The following RELCH variants were observed in gnomAD, a reference collection of about 807,000 sequenced individuals.
RELCH encodes RAB11 binding and LisH domain, coiled-coil and HEAT repeat containing.
In RELCH, 41 loss-of-function variants were observed where a neutral mutation model predicts 150.3. That is an observed-to-expected ratio of 0.27 (90% CI 0.21 to 0.35). The LOEUF (loss-of-function observed/expected upper bound fraction) is 0.35. Among genes scored for constraint, RELCH ranks in the 10% least tolerant of loss-of-function variants. RELCH has a pLI of 1.00. For missense variants in RELCH, 1,092 were observed against 1,467.8 expected (o/e 0.74, Z 4.18); for synonymous variants, 478 against 531.8 (o/e 0.90, Z 1.39).
chr18:62,273,698 A>C (rs1025659351), intron 20 of RELCH, among the ~76,000 whole-genome samples: 1 of 152,136 alleles, frequency 6.6e-6, no homozygotes, highest in Non-Finnish European at 1.5e-5. Context: ...TGAATCTTTC[A>C]CTTTACATAA....
intron 25 of RELCH, among the ~76,000 whole-genome samples, 197 bp downstream of exon 25, chr18:62,282,641 T>A (rs574950234): frequency 6.6e-6 from 1 of 152,252 alleles, no homozygotes; most frequent in Admixed American, 6.5e-5. Context: ...TAATCAGTAT[T>A]GATATTAGTG....
chr18:62,275,512 GATT>G, intron 22 of RELCH, 39 bp downstream of exon 22: 1 of 1,287,806 alleles, frequency 7.8e-7, no homozygotes, highest in Middle Eastern at 1.9e-4. Flanking sequence ...CAATTATAAT[GATT>G]TTTTTTTTTT....
intron 26 of RELCH, among the ~76,000 whole-genome samples, chr18:62,288,912 C>T (rs547696951): frequency 1.3e-5 from 2 of 152,206 alleles, no homozygotes; most frequent in South Asian, 2.1e-4. Flanking sequence ...AGAAAGAAAA[C>T]ATTGGTGTGT....
chr18:62,288,708 A>T (rs1006709647), intron 26 of RELCH, among the ~76,000 whole-genome samples: 1 of 152,170 alleles, frequency 6.6e-6, no homozygotes, highest in Non-Finnish European at 1.5e-5. Flanking sequence ...CATGTCTTCT[A>T]TAAGTTTAGT....
chr18:62,197,875 C>G (rs1473873492), intron 1 of RELCH, among the ~76,000 whole-genome samples: 2 of 152,152 alleles, frequency 1.3e-5, no homozygotes, highest in Non-Finnish European at 2.9e-5. Flanking sequence ...TAGGTCTGTG[C>G]CAGACTATAC....
chr18:62,189,650 AG>A (rs1189292057), intron 1 of RELCH, among the ~76,000 whole-genome samples: 1 of 152,224 alleles, frequency 6.6e-6, no homozygotes, highest in Admixed American at 6.5e-5. Context: ...TTAATTTTAA[AG>A]AATTTCTTGA....
At chr18:62,251,562 A>G (rs1031502256) in intron 11 of RELCH, among the ~76,000 whole-genome samples, 1 of 152,210 alleles carries the variant, frequency 6.6e-6, no homozygotes, top group Non-Finnish European at 1.5e-5. Flanking sequence ...CACTTTGGTC[A>G]TATTCTATTC....
intron 26 of RELCH, among the ~76,000 whole-genome samples, chr18:62,288,495 A>G (rs1250167400): frequency 6.6e-6 from 1 of 152,132 alleles, no homozygotes; most frequent in Non-Finnish European, 1.5e-5. Flanking sequence ...CCAAATAGAG[A>G]AAGTAGAAAA....
At chr18:62,219,700 C>A (rs1335794670) in intron 2 of RELCH, among the ~76,000 whole-genome samples, 1 of 151,934 alleles carries the variant, frequency 6.6e-6, no homozygotes, top group Non-Finnish European at 1.5e-5. Context: ...AAGTAACATA[C>A]GATGTCATCT....
intron 14 of RELCH, among the ~76,000 whole-genome samples, chr18:62,258,310 G>A (rs2144652333): frequency 6.6e-6 from 1 of 152,058 alleles, no homozygotes; most frequent in East Asian, 1.9e-4. Flanking sequence ...CAGGAAATTG[G>A]CAAGAGGTAT....
At chr18:62,198,437 C>T (rs2039192183) in intron 1 of RELCH, among the ~76,000 whole-genome samples, 1 of 152,154 alleles carries the variant, frequency 6.6e-6, no homozygotes, top group Non-Finnish European at 1.5e-5. Flanking sequence ...TCCAGATTTT[C>T]TCACCTATTA....
chr18:62,235,409 A>C (rs569676853), intron 10 of RELCH: 32 of 152,160 alleles, frequency 2.1e-4, no homozygotes, highest in African/African-American at 7.7e-4. Flanking sequence ...TGAGTCCTCT[A>C]ACTGCACATC....
chr18:62,189,259 G>GTTTT (rs748259898), intron 1 of RELCH, among the ~76,000 whole-genome samples: 1 of 118,082 alleles, frequency 8.5e-6, no homozygotes. Flanking sequence ...GTCTTTTTTT[G>GTTTT]TTTTTTTTTT....
intron 3 of RELCH, 55 bp downstream of exon 3, chr18:62,221,163 C>G (rs1464743399): frequency 6.3e-7 from 1 of 1,590,422 alleles, no homozygotes; most frequent in Non-Finnish European, 8.6e-7. Context: ...GTAGAAGTAG[C>G]TGAGATATTT....
intron 22 of RELCH, among the ~76,000 whole-genome samples, chr18:62,276,921 G>T (rs1305423318): frequency 2.6e-5 from 4 of 152,002 alleles, no homozygotes; most frequent in Non-Finnish European, 5.9e-5. Context: ...TGAAAAGGGG[G>T]CATTACCATG....
At chr18:62,283,389 A>G (rs17069721) in intron 25 of RELCH, among the ~76,000 whole-genome samples, 4,655 of 152,326 alleles carry the variant, frequency 0.031, 121 homozygotes, top group Middle Eastern at 0.068. Context: ...CATATCAGTT[A>G]TCATAGCTCT....
chr18:62,273,856 A>G (rs2044045405), intron 20 of RELCH, 124 bp from the exon 21 acceptor site: 3 of 624,306 alleles, frequency 4.8e-6, no homozygotes, highest in Non-Finnish European at 8.5e-6. Context: ...TTTAATTAAA[A>G]TAGCTTCCAA....
Position 62,244,778 on chromosome 18 carries a change from C to T in RELCH, c.1635C>T (p.Leu545=), listed in dbSNP as rs1207689962. ...LLAKREELIP[L]ILCTACLHPE... ...TATTTCTTTAGGAGTTGATCCCCCTCATATTGTGTACAGCATGTCTACATC... is the reference window on the plus strand; with the variant it reads ...TATTTCTTTAGGAGTTGATCCCCCTTATATTGTGTACAGCATGTCTACATC... The change falls in exon 11 of 29, where the codon CTC becomes CTT. Residue 545 remains leucine (L), a synonymous_variant. Coordinates refer to ENST00000644646, the MANE Select transcript of RELCH (RefSeq NM_001346231.2). 1 of 1,610,564 alleles carries T rather than the reference C, an allele frequency of 6.2e-7. No individual in the cohort carries two copies. The highest frequency in any genetic ancestry group is 8.5e-7 in the Non-Finnish European group (1 of 1,176,954).
In RELCH at chr18:62,198,506, CTGTTGTGGGTGG is replaced by C. The variant is rs1286853164; in HGVS notation, c.526+10476_526+10487del. On this transcript the variant is annotated intron_variant, in intron 1 of 28. Transcript: ENST00000644646. ...CATTTGTTTTTGAAACCAGCTGGTC[CTGTTGTGGGTGG>C]ATAAGATTGCTCAAGGTAGTATCGT... is the stretch of plus-strand genomic sequence containing the variant. 2.0e-5 allele frequency among the ~76,000 whole-genome samples: 3 copies of C among 152,282 alleles called. No individual in the cohort carries two copies. In the East Asian group the frequency reaches 5.8e-4, roughly 29 times the overall value.
Sources: allele counts gnomAD v4.1 joint callset (sites outside exome capture counted in the v4.1 genomes callset), GRCh38; gene constraint gnomAD v4.1.1; transcripts MANE v1.5; gene names NCBI Gene and HGNC (gene_info 2026-07-23, HGNC 2026-07-21).